The following KIFAP3 variants were observed in gnomAD, a reference collection of about 807,000 sequenced individuals.
The protein encoded by KIFAP3 is kinesin associated protein 3.
A neutral mutation model predicts 106.5 loss-of-function variants in KIFAP3; 68 were observed. The ratio of observed to expected loss-of-function variants is 0.64; its 90% CI spans 0.53 to 0.78. The LOEUF is 0.78. KIFAP3 is among the 30% of genes least tolerant of loss of function. The probability of loss-of-function intolerance (pLI) is 0.00; values close to 1 mark genes in which losing one functional copy is unlikely to be tolerated. For missense variants in KIFAP3, 780 were observed against 941.8 expected (o/e 0.83, Z 2.25); for synonymous variants, 320 against 311.5 (o/e 1.03, Z -0.29).
chr1:169,941,582 TA>T (rs1253370774), intron 19 of KIFAP3, among the ~76,000 whole-genome samples: 2 of 152,152 alleles, frequency 1.3e-5, no homozygotes, highest in Non-Finnish European at 2.9e-5. Context: ...TGGGAAAATA[TA>T]AGCTGATTTC....
At chr1:169,984,765 CATA>C in intron 11 of KIFAP3, 75 bp from the exon 12 acceptor site, 1 of 727,252 alleles carries the variant, frequency 1.4e-6, no homozygotes, top group Non-Finnish European at 2.4e-6. Context: ...ATATTTTTAT[CATA>C]ATGTGTTATC....
Position 170,046,772 on chromosome 1 carries a change from T to A in KIFAP3, c.259A>T (p.Asn87Tyr). ...ECKLIHPSKL[N>Y]EVEQLLYYLQ... is the part of the protein sequence containing the mutation. Reference sequence around the variant, plus strand: ...TAGTACAACAGCTGTTCTACCTCATTTAGTTTTGAAGGATGAATGAGTTTA... The same window carrying A: ...TAGTACAACAGCTGTTCTACCTCATATAGTTTTGAAGGATGAATGAGTTTA... Residue 87 changes from asparagine (N) to tyrosine (Y), a missense_variant, in exon 3 of 20, where the codon AAT becomes TAT. Around this residue, in one of 3 missense-constraint regions of KIFAP3, gnomAD observed 588 missense variants for 678.9 expected, o/e 0.87. Transcript: ENST00000361580. The A allele has an allele frequency of 1.2e-6, 2 of 1,609,206 alleles. No homozygotes were observed. Among genetic ancestry groups the A allele is most frequent in the Non-Finnish European group, 1.7e-6 (2 of 1,177,476 alleles).
chr1:170,002,504 A>G (rs938700496), intron 10 of KIFAP3, among the ~76,000 whole-genome samples: 1 of 152,170 alleles, frequency 6.6e-6, no homozygotes, highest in East Asian at 1.9e-4. Flanking sequence ...AACCAATAAC[A>G]TTAGTTTCTG....
At chr1:170,038,768 C>A (rs1204344893) in intron 4 of KIFAP3, among the ~76,000 whole-genome samples, 1 of 152,124 alleles carries the variant, frequency 6.6e-6, no homozygotes, top group East Asian at 1.9e-4. Flanking sequence ...TTTTACCCAT[C>A]ATTTATCAAA....
At chr1:170,081,720 G>A (rs1672023458) in intron 1 of KIFAP3, among the ~76,000 whole-genome samples, 1 of 152,118 alleles carries the variant, frequency 6.6e-6, no homozygotes, top group South Asian at 2.1e-4. Flanking sequence ...GATGCATGTG[G>A]GCCCCACTGG....
rs374456893 is a variant in KIFAP3, at chr1:170,011,132, T to A, written c.1183+5330A>T. Reference sequence around the variant, plus strand: ...TTTGATTTACAGAAGGTTTCTGCCATTGAATTTCTTTAAATTTTAATTCCA... The same window carrying A: ...TTTGATTTACAGAAGGTTTCTGCCAATGAATTTCTTTAAATTTTAATTCCA... On this transcript the variant is annotated intron_variant, in intron 10 of 19. Transcript: ENST00000361580. Among the ~76,000 whole-genome samples the A allele has an allele frequency of 3.3e-5, 5 of 151,996 alleles. No homozygotes were observed. The East Asian group carries it at 9.6e-4, about 29-fold the overall frequency.
At chr1:169,940,911 ATGTG>A (rs3838394) in intron 19 of KIFAP3, among the ~76,000 whole-genome samples, 6,896 of 148,002 alleles carry the variant, frequency 0.047, 170 homozygotes, top group South Asian at 0.11. Context: ...TTTAAGAATT[ATGTG>A]TGTGTGTGTG....
chr1:170,041,832 C>G, intron 3 of KIFAP3: 1 of 1,448,958 alleles, frequency 6.9e-7, no homozygotes, highest in Non-Finnish European at 9.2e-7. Context: ...CCTGCTGACC[C>G]TTCCCAATCT....
intron 5 of KIFAP3, among the ~76,000 whole-genome samples, chr1:170,037,661 C>T (rs1264323086): frequency 6.6e-6 from 1 of 151,882 alleles, no homozygotes; most frequent in Non-Finnish European, 1.5e-5. Context: ...TATATGAACC[C>T]GGGAGGCGGA....
intron 5 of KIFAP3, 64 bp from the exon 6 acceptor site, chr1:170,035,617 T>C: frequency 1.0e-6 from 1 of 978,576 alleles, no homozygotes; most frequent in South Asian, 1.7e-5. Context: ...GGGTGATTGG[T>C]TTTAAATGTC....
At chr1:169,960,950 G>T (rs1474434474) in intron 18 of KIFAP3, 96 bp downstream of exon 18, 2 of 827,364 alleles carry the variant, frequency 2.4e-6, no homozygotes, top group African/African-American at 3.5e-5. Flanking sequence ...TAAACTAAAA[G>T]AAGTGCTTAT....
At chr1:170,061,952 G>A (rs1671180450) in intron 1 of KIFAP3, among the ~76,000 whole-genome samples, 1 of 152,084 alleles carries the variant, frequency 6.6e-6, no homozygotes, top group Non-Finnish European at 1.5e-5. Flanking sequence ...TCATAGGTGG[G>A]AATTGAACAA....
chr1:170,054,717 C>T (rs919483182), intron 2 of KIFAP3, among the ~76,000 whole-genome samples: 1 of 152,028 alleles, frequency 6.6e-6, no homozygotes, highest in African/African-American at 2.4e-5. Flanking sequence ...GAACAGAAAA[C>T]CAAACACCAC....
chr1:169,944,697 GC>G (rs1664333207), intron 19 of KIFAP3, among the ~76,000 whole-genome samples: 1 of 152,132 alleles, frequency 6.6e-6, no homozygotes, highest in Non-Finnish European at 1.5e-5. Flanking sequence ...CAAAGTAGTA[GC>G]TCCTTTCTGC....
At chr1:169,965,771 G>A (rs1665578741) in intron 17 of KIFAP3, among the ~76,000 whole-genome samples, 1 of 151,718 alleles carries the variant, frequency 6.6e-6, no homozygotes, top group Non-Finnish European at 1.5e-5. Context: ...ATTAATAAAC[G>A]TATACATACA....
intron 11 of KIFAP3, 98 bp downstream of exon 11, chr1:169,992,057 G>T (rs1667132100): frequency 6.1e-6 from 3 of 493,010 alleles, no homozygotes; most frequent in South Asian, 6.4e-5. Context: ...ATTAAGAAGA[G>T]AACTTTTTTA....
chr1:170,009,868 C>T (rs968166081), intron 10 of KIFAP3, among the ~76,000 whole-genome samples: 4 of 151,894 alleles, frequency 2.6e-5, no homozygotes, highest in African/African-American at 9.7e-5. Context: ...CTTGGATAAG[C>T]CAAAAAAATC....
In KIFAP3 at chr1:169,982,684, G is replaced by A. The variant is rs377586387; in HGVS notation, c.1672+18C>T. The A allele has an allele frequency of 2.2e-4, 326 of 1,501,696 alleles. No homozygotes were observed. The highest frequency in any genetic ancestry group is 2.8e-4 in the Non-Finnish European group (307 of 1,109,054). 93.0% of individuals were successfully genotyped at this position (1,501,696 alleles called of 1,614,324 possible). A position where few individuals can be genotyped will look rare whatever the true frequency, so the allele number is the denominator to read the frequency against. ...AATAACTTAGTGATTATACAAAAGT[G>A]AAATACTTAGCACAAACCTGGTTTT... On this transcript the variant is annotated intron_variant, in intron 14 of 19. Transcript: ENST00000361580.
chr1:170,011,720 T>G (rs1467909605), intron 10 of KIFAP3, among the ~76,000 whole-genome samples: 1 of 152,042 alleles, frequency 6.6e-6, no homozygotes, highest in African/African-American at 2.4e-5. Flanking sequence ...CTTTTCAAAT[T>G]CATGTCCTTT....
Sources: gnomAD v4.1 joint callset for allele counts (sites outside exome capture counted in the v4.1 genomes callset) on GRCh38, gnomAD v4.1.1 for gene constraint, gnomAD v4.1.1 regional missense constraint, MANE v1.5 for transcripts, NCBI Gene and HGNC (gene_info 2026-07-23, HGNC 2026-07-21) for gene names.